Variants in TDRP observed in about 807,000 individuals in gnomAD.
TDRP encodes testis development-related protein.
A neutral mutation model predicts 10.5 loss-of-function variants in TDRP; 12 were observed. The ratio of observed to expected loss-of-function variants is 1.15; its 90% CI spans 0.73 to 1.86. The LOEUF is 1.86. Ranked by LOEUF, TDRP falls within the 40% of genes most tolerant of loss-of-function variation. TDRP has a pLI of 0.00. For missense variants in TDRP, 353 were observed against 229.2 expected (o/e 1.54, Z -3.49); for synonymous variants, 139 against 95.4 (o/e 1.46, Z -2.67).
rs537955379 is a variant in TDRP at position 518,991 on chromosome 8, T to C, written c.109-24394A>G. Reference sequence around the variant, plus strand: ...AGGCTGGTAGAGCTTCAGGATGGAGTCTGTCACCAGAAATGCCAACACCTT... The same window carrying C: ...AGGCTGGTAGAGCTTCAGGATGGAGCCTGTCACCAGAAATGCCAACACCTT... On this transcript the variant is annotated intron_variant, in intron 1 of 2. Coordinates refer to ENST00000324079, the MANE Select transcript of TDRP (RefSeq NM_001384899.1). Among the ~76,000 whole-genome samples the C allele has an allele frequency of 1.4e-4, 22 of 151,968 alleles. 1 individual carries two copies. In the South Asian group the frequency reaches 4.4e-3, roughly 30 times the overall value.
At chr8:524,868 G>C (rs915271985) in intron 1 of TDRP, among the ~76,000 whole-genome samples, 3 of 152,146 alleles carry the variant, frequency 2.0e-5, no homozygotes, top group Admixed American at 2.0e-4. Context: ...ACAAGAAGTA[G>C]AGAACGAGAG....
At chr8:505,538 G>T (rs1338362926) in intron 1 of TDRP, among the ~76,000 whole-genome samples, 1 of 152,168 alleles carries the variant, frequency 6.6e-6, no homozygotes, top group Non-Finnish European at 1.5e-5. Context: ...AAATACCTCA[G>T]ACGGGAACTT....
chr8:533,478 AC>A (rs1250451683), intron 1 of TDRP, among the ~76,000 whole-genome samples: 1 of 152,086 alleles, frequency 6.6e-6, no homozygotes, highest in African/African-American at 2.4e-5. Context: ...TGGCAAGCTC[AC>A]CTTTTCCTAC....
Position 502,685 on chromosome 8 carries a change from C to T in TDRP, c.109-8088G>A, listed in dbSNP as rs184543096. Among the ~76,000 whole-genome samples the T allele has an allele frequency of 4.6e-5, 7 of 152,142 alleles. No homozygotes were observed. In the East Asian group the frequency reaches 9.7e-4, roughly 21 times the overall value. On this transcript the variant is annotated intron_variant, in intron 1 of 2. Transcript: ENST00000324079. ...CATCAACACGGAATCCAGAGCCACA[C>T]ACCGGAACCCATGCCCACCTCAGCA... is the stretch of plus-strand genomic sequence containing the variant.
chr8:501,012 C>T lies in TDRP; in HGVS notation c.109-6415G>A, dbSNP rs540176272. ...ACAAGGTCAGGAGATCGAGACCATC[C>T]TGGCTAACACGGTGAAACCCCGTCT... On this transcript the variant is annotated intron_variant, in intron 1 of 2. Transcript: ENST00000324079. Among the ~76,000 whole-genome samples, 81 of 152,246 alleles carry T rather than the reference C, an allele frequency of 5.3e-4. No individual in the cohort carries two copies. In the South Asian group the frequency reaches 0.014, roughly 26 times the overall value.
At chr8:519,220 T>C (rs1801833595) in intron 1 of TDRP, among the ~76,000 whole-genome samples, 2 of 152,186 alleles carry the variant, frequency 1.3e-5, no homozygotes, top group South Asian at 2.1e-4. Context: ...GCTGAGAGCA[T>C]GCATGTTGAG....
chr8:490,027 T>C lies in TDRP; in HGVS notation c.*2372A>G, dbSNP rs968351218. The C allele has an allele frequency of 6.6e-6, 1 of 152,088 alleles. No individual in the cohort carries two copies. 9.4% of individuals were successfully genotyped at this position (152,088 alleles called of 1,614,324 possible). ...TCTCTGAAGCACATCACTTTCCTAT[T>C]AAAAAATAAAAAAAGTACAGTAGAA... On this transcript the variant is annotated 3_prime_UTR_variant, in exon 3 of 3. Coordinates refer to ENST00000324079, the MANE Select transcript of TDRP (RefSeq NM_001384899.1).
intron 1 of TDRP, among the ~76,000 whole-genome samples, chr8:539,557 G>C (rs1291044345): frequency 2.0e-5 from 3 of 152,150 alleles, no homozygotes; most frequent in African/African-American, 7.2e-5. Context: ...ACTGCAAATG[G>C]GAAAAGGCAG....
intron 2 of TDRP, 139 bp downstream of exon 2, chr8:494,355 G>C (rs1354041229): frequency 8.7e-6 from 6 of 693,398 alleles, no homozygotes; most frequent in Non-Finnish European, 1.2e-5. Context: ...AGACGGAGTG[G>C]GGAGGGAAAC....
chr8:492,130 C>G lies in TDRP; in HGVS notation c.*269G>C, dbSNP rs550883554. The G allele has an allele frequency of 1.8e-5, 22 of 1,239,208 alleles. 1 individual carries two copies. The South Asian group carries it at 7.4e-4, about 42-fold the overall frequency. The allele number at this position is 1,239,208 out of a possible 1,614,324, so 76.8% of individuals were successfully genotyped here. A position where few individuals can be genotyped will look rare whatever the true frequency, so the allele number is the denominator to read the frequency against. ...TTACTGCTGTATTATGGGAGAGCATCATAAATTCACATCTCCAGTTTCTGC... is the reference window on the plus strand; with the variant it reads ...TTACTGCTGTATTATGGGAGAGCATGATAAATTCACATCTCCAGTTTCTGC... On this transcript the variant is annotated 3_prime_UTR_variant, in exon 3 of 3. Coordinates refer to ENST00000324079, the MANE Select transcript of TDRP (RefSeq NM_001384899.1).
intron 1 of TDRP, among the ~76,000 whole-genome samples, chr8:513,629 C>G (rs939830908): frequency 1.3e-5 from 2 of 152,180 alleles, no homozygotes; most frequent in African/African-American, 4.8e-5. Context: ...CTCTTCTATT[C>G]AACACCGTGC....
At chr8:508,056 C>G (rs1024502155) in intron 1 of TDRP, among the ~76,000 whole-genome samples, 2 of 152,070 alleles carry the variant, frequency 1.3e-5, no homozygotes, top group African/African-American at 4.8e-5. Flanking sequence ...CAGAAGAAGA[C>G]TTCAAAGAAC....
intron 1 of TDRP, among the ~76,000 whole-genome samples, chr8:541,484 G>A (rs888752602): frequency 7.9e-5 from 12 of 152,164 alleles, no homozygotes; most frequent in Admixed American, 5.2e-4. Flanking sequence ...CACAGATTGG[G>A]AGAAAATCTT....
At chr8:531,327 T>G (rs963819901) in intron 1 of TDRP, among the ~76,000 whole-genome samples, 35 of 152,214 alleles carry the variant, frequency 2.3e-4, no homozygotes, top group Admixed American at 2.3e-3. Flanking sequence ...TCCGGGACTT[T>G]CCACTCCACC....
rs559432066 is a variant in TDRP, at chr8:491,671, C to A, written c.*728G>T. The A allele has an allele frequency of 2.0e-6, 3 of 1,513,502 alleles. No homozygotes were observed. The East Asian group carries it at 7.4e-5, about 37-fold the overall frequency. 93.8% of individuals were successfully genotyped at this position (1,513,502 alleles called of 1,614,324 possible). A position where few individuals can be genotyped will look rare whatever the true frequency, so the allele number is the denominator to read the frequency against. On this transcript the variant is annotated 3_prime_UTR_variant, in exon 3 of 3. Transcript: ENST00000324079. ...TAAAATTGATCCATACTTCTTTAAT[C>A]TGTAAACAAAAAAGAGAGCAAATGT... is the stretch of plus-strand genomic sequence containing the variant.
Position 490,010 on chromosome 8 carries a change from G to A in TDRP, c.*2389C>T, listed in dbSNP as rs1800922664. 6.6e-6 allele frequency: 1 copy of A among 152,140 alleles called. No homozygotes were observed. The highest frequency in any genetic ancestry group is 1.5e-5 in the Non-Finnish European group (1 of 68,020). 9.4% of individuals were successfully genotyped at this position (152,140 alleles called of 1,614,324 possible). The stretch of plus-strand genomic sequence containing the variant: ...CATTAAGGAGGAACCCTTCTCTGAA[G>A]CACATCACTTTCCTATTAAAAAATA... On this transcript the variant is annotated 3_prime_UTR_variant, in exon 3 of 3. Coordinates refer to ENST00000324079, the MANE Select transcript of TDRP (RefSeq NM_001384899.1).
At chr8:518,586 A>G (rs1296069547) in intron 1 of TDRP, among the ~76,000 whole-genome samples, 1 of 151,944 alleles carries the variant, frequency 6.6e-6, no homozygotes, top group East Asian at 1.9e-4. Flanking sequence ...CTGAGTAACT[A>G]TTTTGAGAGA....
intron 1 of TDRP, among the ~76,000 whole-genome samples, chr8:538,453 C>A (rs1455056239): frequency 1.3e-5 from 2 of 152,124 alleles, no homozygotes; most frequent in Non-Finnish European, 2.9e-5. Flanking sequence ...TGGCACCAAC[C>A]CATATCAAGA....
chr8:533,686 T>C (rs547490355), intron 1 of TDRP, among the ~76,000 whole-genome samples: 1 of 152,322 alleles, frequency 6.6e-6, no homozygotes, highest in African/African-American at 2.4e-5. Context: ...CACTCCTTAA[T>C]GGGATTTTCC....
Sources: gnomAD v4.1 joint callset for allele counts (sites outside exome capture counted in the v4.1 genomes callset) on GRCh38, gnomAD v4.1.1 for gene constraint, MANE v1.5 for transcripts, NCBI Gene and HGNC (gene_info 2026-07-23, HGNC 2026-07-21) for gene names.